The following SLC13A4 variants were observed in gnomAD, a reference collection of about 807,000 sequenced individuals.
SLC13A4 encodes Na(+)/sulfate cotransporter SUT-1.
SLC13A4 carries 28 observed loss-of-function variants against 72.7 expected under a neutral mutation model. That is an observed-to-expected ratio of 0.39 (90% CI 0.29 to 0.53). The LOEUF (loss-of-function observed/expected upper bound fraction) is 0.53, where lower values mean the gene tolerates loss of function less well. SLC13A4 is among the 20% of genes least tolerant of loss of function. SLC13A4 has a pLI of 0.78. For synonymous variants in SLC13A4, 312 were observed against 325.5 expected (o/e 0.96, Z 0.45); for missense variants, 653 against 788.0 (o/e 0.83, Z 2.05).
intron 6 of SLC13A4, 118 bp downstream of exon 6, chr7:135,702,727 G>T: frequency 1.2e-6 from 1 of 840,756 alleles, no homozygotes. Context: ...TCACTGAAAG[G>T]AACTCTAAGG....
chr7:135,686,890 T>C (rs1795639866), intron 13 of SLC13A4, among the ~76,000 whole-genome samples: 1 of 151,882 alleles, frequency 6.6e-6, no homozygotes, highest in South Asian at 2.1e-4. Flanking sequence ...AAGCCCACCT[T>C]TACTAAAAAT....
At chr7:135,718,788 C>T (rs1181049814) in intron 2 of SLC13A4, among the ~76,000 whole-genome samples, 2 of 152,034 alleles carry the variant, frequency 1.3e-5, no homozygotes, top group Non-Finnish European at 1.5e-5. Context: ...TTTGGGGGCT[C>T]CTAAAGAGCA....
chr7:135,691,667 C>T (rs1392089124), intron 11 of SLC13A4, 22 bp from the exon 12 acceptor site: 2 of 1,561,458 alleles, frequency 1.3e-6, no homozygotes, highest in Admixed American at 1.7e-5. Flanking sequence ...ACAAGCATAG[C>T]TGAGGAGAAG....
At position 135,681,422 on chromosome 7, in the gene SLC13A4, A is replaced by G; in HGVS notation, c.*141T>C. 2 of 1,022,404 alleles carry G rather than the reference A, an allele frequency of 2.0e-6. No individual in the cohort carries two copies. Among genetic ancestry groups the G allele is most frequent in the Non-Finnish European group, 2.8e-6 (2 of 714,052 alleles). The allele number at this position is 1,022,404 out of a possible 1,614,324, so 63.3% of individuals were successfully genotyped here. Reference sequence around the variant, plus strand: ...TCCTGCAGTTCACTTGAGGTGGCGGAATCTTCTGGTGGAGGGATGCCCTCC... The same window carrying G: ...TCCTGCAGTTCACTTGAGGTGGCGGGATCTTCTGGTGGAGGGATGCCCTCC... On this transcript the variant is annotated 3_prime_UTR_variant, in exon 16 of 16. Coordinates refer to ENST00000682651, the MANE Select transcript of SLC13A4 (RefSeq NM_001318192.2).
chr7:135,683,485 C>CA, intron 15 of SLC13A4: 2 of 984,500 alleles, frequency 2.0e-6, no homozygotes, highest in Non-Finnish European at 2.4e-6. Context: ...CCTCTCCCCC[C>CA]CCGCTCAGCC....
chr7:135,721,661 A>C lies in SLC13A4; in HGVS notation c.100-138T>G, dbSNP rs1394441179. On this transcript the variant is annotated intron_variant, in intron 1 of 15. Coordinates refer to ENST00000682651, the MANE Select transcript of SLC13A4 (RefSeq NM_001318192.2). ...GATACAGCCCAGGGACCGAAACCGA[A>C]CTGGCAGGCGAGCATGGTGAATACA... is the stretch of plus-strand genomic sequence containing the variant. 7 of 1,034,456 alleles carry C rather than the reference A, an allele frequency of 6.8e-6. No homozygotes were observed. In the African/African-American group the frequency reaches 1.1e-4, roughly 17 times the overall value. 64.1% of individuals were successfully genotyped at this position (1,034,456 alleles called of 1,614,324 possible).
At chr7:135,696,896 G>C (rs770374267) in intron 8 of SLC13A4, among the ~76,000 whole-genome samples, 1 of 152,090 alleles carries the variant, frequency 6.6e-6, no homozygotes, top group Non-Finnish European at 1.5e-5. Flanking sequence ...CCTTTTTCTT[G>C]AAATACTTTC....
In SLC13A4 at chr7:135,702,835, A is replaced by G; in HGVS notation, c.633+10T>C. On this transcript the variant is annotated intron_variant, in intron 6 of 15. Transcript: ENST00000682651. Reference sequence around the variant, plus strand: ...TGATTCCAAAGCACAGAAAAACCCCAAGGCCATACCTCGTTGTGCATCAGA... The same window carrying G: ...TGATTCCAAAGCACAGAAAAACCCCGAGGCCATACCTCGTTGTGCATCAGA... The G allele has an allele frequency of 6.2e-7, 1 of 1,613,092 alleles. No homozygotes were observed. The highest frequency in any genetic ancestry group is 8.5e-7 in the Non-Finnish European group (1 of 1,179,000).
At chr7:135,683,374 C>T (rs1052166299) in intron 15 of SLC13A4, 3 of 982,708 alleles carry the variant, frequency 3.1e-6, no homozygotes, top group Non-Finnish European at 1.2e-6. Flanking sequence ...CTTTTTCTTC[C>T]TTTCCTCTAT....
chr7:135,704,917 T>A (rs1796127616), intron 5 of SLC13A4: 1 of 152,304 alleles, frequency 6.6e-6, no homozygotes, highest in African/African-American at 2.4e-5. Context: ...ATGACAGAGC[T>A]GAGCTGTATT....
chr7:135,705,804 T>G (rs1796147338), intron 4 of SLC13A4, 154 bp from the exon 5 acceptor site: 2 of 684,026 alleles, frequency 2.9e-6, no homozygotes, highest in African/African-American at 3.6e-5. Context: ...ATGGGGCTCA[T>G]GGATGCAGAC....
Position 135,681,271 on chromosome 7 carries a change from TATTTTC to T in SLC13A4, c.*286_*291del, listed in dbSNP as rs1795491731. ...TCTTCTTTTTTTTTAATTTAATTTT[TATTTTC>T]TTTTTCTTTTTCTGTGAGCCTATGG... is the stretch of plus-strand genomic sequence containing the variant. On this transcript the variant is annotated 3_prime_UTR_variant, in exon 16 of 16. Transcript: ENST00000682651. The T allele has an allele frequency of 2.5e-5, 7 of 281,600 alleles. No homozygotes were observed. In the South Asian group the frequency reaches 1.1e-3, roughly 46 times the overall value. 17.4% of individuals were successfully genotyped at this position (281,600 alleles called of 1,614,324 possible). A position where few individuals can be genotyped will look rare whatever the true frequency, so the allele number is the denominator to read the frequency against.
chr7:135,708,404 G>A lies in SLC13A4; in HGVS notation c.229-154C>T, dbSNP rs376079618. Among the ~76,000 whole-genome samples, 106 of 152,228 alleles carry A rather than the reference G, an allele frequency of 7.0e-4. 1 individual carries two copies. The highest frequency in any genetic ancestry group is 2.4e-3 in the African/African-American group (100 of 41,540). On this transcript the variant is annotated intron_variant, in intron 2 of 15. Transcript: ENST00000682651. Reference sequence around the variant, plus strand: ...GGGGGTGAGGATTATTGAAATAGCCGCCCATCCTAGAGTCACATCTACTGA... The same window carrying A: ...GGGGGTGAGGATTATTGAAATAGCCACCCATCCTAGAGTCACATCTACTGA...
intron 1 of SLC13A4, among the ~76,000 whole-genome samples, chr7:135,726,937 C>T (rs1796672601): frequency 6.6e-6 from 1 of 152,220 alleles, no homozygotes; most frequent in Non-Finnish European, 1.5e-5. Context: ...CACGGATTGG[C>T]TCCACGGTTC....
chr7:135,715,077 ATG>A lies in SLC13A4; in HGVS notation c.228+6316_228+6317del, dbSNP rs371550143. On this transcript the variant is annotated intron_variant, in intron 2 of 15. Transcript: ENST00000682651. ...GTGTATGTGAATGTGTGTGTGTATG[ATG>A]TGTGTGTATAAGTGTATGTGTGTGA... Among the ~76,000 whole-genome samples the A allele has an allele frequency of 1.3e-3, 97 of 74,626 alleles. 1 individual carries two copies. The highest frequency in any genetic ancestry group is 4.7e-3 in the African/African-American group (76 of 16,080). The allele number at this position is 74,626 out of a possible 152,430, so 49.0% of individuals were successfully genotyped here.
chr7:135,699,404 C>G lies in SLC13A4; in HGVS notation c.859G>C (p.Gly287Arg). The change falls in exon 8 of 16, where the codon GGC becomes CGC. Residue 287 changes from glycine (G) to arginine (R), a missense_variant. Gly to Arg is a moderately radical substitution (Grantham distance 125, BLOSUM62 -2). Transcript: ENST00000682651. Reference protein sequence around the residue: ...ATIGGLTTIIGTSTSLIFLEH... With the variant: ...ATIGGLTTIIRTSTSLIFLEH... ...AGGAAGATGAGGCTGGTGGAGGTGCCGATGATGGTGGTCAGGCCGCCAATG... is the reference window on the plus strand; with the variant it reads ...AGGAAGATGAGGCTGGTGGAGGTGCGGATGATGGTGGTCAGGCCGCCAATG... 6.2e-7 allele frequency: 1 copy of G among 1,612,834 alleles called. No individual in the cohort carries two copies. The highest frequency in any genetic ancestry group is 1.7e-5 in the Admixed American group (1 of 59,848).
chr7:135,681,591 C>G lies in SLC13A4; in HGVS notation c.1856G>C (p.Arg619Thr). Reference sequence around the variant, plus strand: ...GGCTTGATCAGTGATGTTGCTGACCCTCGCCCATGCTGGGTAAGTGTCCAG... The same window carrying G: ...GGCTTGATCAGTGATGTTGCTGACCGTCGCCCATGCTGGGTAAGTGTCCAG... ...FHLDTYPAWA[R>T]VSNITDQA Residue 619 changes from arginine to threonine, a missense_variant, in exon 16 of 16, where the codon AGG (arginine) becomes ACG (threonine). Coordinates refer to ENST00000682651, the MANE Select transcript of SLC13A4 (RefSeq NM_001318192.2). 6.2e-7 allele frequency: 1 copy of G among 1,614,052 alleles called. No individual in the cohort carries two copies. The highest frequency in any genetic ancestry group is 8.5e-7 in the Non-Finnish European group (1 of 1,179,942).
intron 2 of SLC13A4, among the ~76,000 whole-genome samples, chr7:135,720,995 A>G (rs1395849820): frequency 6.6e-6 from 1 of 152,216 alleles, no homozygotes; most frequent in Non-Finnish European, 1.5e-5. Context: ...GTACAGGCTC[A>G]GCTTTCTAAT....
At chr7:135,726,785 G>T (rs1796667049) in intron 1 of SLC13A4, among the ~76,000 whole-genome samples, 1 of 152,212 alleles carries the variant, frequency 6.6e-6, no homozygotes, top group Admixed American at 6.5e-5. Context: ...ATAATTCAAG[G>T]CCACGTGCAT....
Sources: allele counts gnomAD v4.1 joint callset (sites outside exome capture counted in the v4.1 genomes callset), GRCh38; gene constraint gnomAD v4.1.1; transcripts MANE v1.5; gene names NCBI Gene and HGNC (gene_info 2026-07-23, HGNC 2026-07-21).